The following GNL2 variants were observed in gnomAD, a reference collection of about 807,000 sequenced individuals.
GNL2 encodes nucleolar GTP-binding protein 2.
GNL2 carries 51 observed loss-of-function variants against 92.3 expected under a neutral mutation model. That is an observed-to-expected ratio of 0.55 (90% CI 0.44 to 0.70). The LOEUF (loss-of-function observed/expected upper bound fraction) is 0.70, where lower values mean the gene tolerates loss of function less well. Among genes scored for constraint, GNL2 ranks in the 30% least tolerant of loss-of-function variants. The pLI is 0.00. For synonymous variants in GNL2, 283 were observed against 300.6 expected (o/e 0.94, Z 0.61); for missense variants, 844 against 895.6 (o/e 0.94, Z 0.74).
rs771998184 is a variant in GNL2 at position 37,576,550 on chromosome 1, T to C, written c.916A>G (p.Thr306Ala). The C allele has an allele frequency of 8.7e-6, 14 of 1,613,728 alleles. No individual in the cohort carries two copies. The South Asian group carries it at 9.9e-5, about 11-fold the overall frequency. The change falls in exon 9 of 16, where the codon ACT (threonine) becomes GCT (alanine). Residue 306 changes from threonine to alanine, a missense_variant. Coordinates refer to ENST00000373062, the MANE Select transcript of GNL2 (RefSeq NM_013285.3). The part of the protein sequence containing the change: ...QLLRQFGKLH[T>A]DKKQISVGFI... ...CCAACACTGATCTGTTTCTTGTCAG[T>C]GTGCAACTGTTCAAAGAGAGAATAC...
chr1:37,591,790 AGCCACTGCGCCCT>A (rs1190393186), intron 3 of GNL2, among the ~76,000 whole-genome samples: 1 of 152,188 alleles, frequency 6.6e-6, no homozygotes, highest in Non-Finnish European at 1.5e-5. Context: ...TACAGGCGTG[AGCCACTGCGCCCT>A]GCCTGTATTT....
intron 4 of GNL2, among the ~76,000 whole-genome samples, chr1:37,589,678 G>A (rs981495307): frequency 3.9e-5 from 6 of 152,158 alleles, no homozygotes; most frequent in Non-Finnish European, 1.5e-5. Flanking sequence ...CTTACGTACT[G>A]GCTACATTTC....
intron 12 of GNL2, 64 bp from the exon 13 acceptor site, chr1:37,569,366 C>G: frequency 8.9e-7 from 1 of 1,121,512 alleles, no homozygotes; most frequent in Non-Finnish European, 1.3e-6. Context: ...AATTTCTGAA[C>G]TCATATCTTG....
intron 12 of GNL2, among the ~76,000 whole-genome samples, chr1:37,573,662 C>T (rs1169181387): frequency 6.6e-6 from 1 of 152,174 alleles, no homozygotes; most frequent in Non-Finnish European, 1.5e-5. Context: ...GATTCTGTTT[C>T]GTAAGCATAA....
In GNL2 at chr1:37,592,696, AG is replaced by A; in HGVS notation, c.244+15del. The A allele has an allele frequency of 7.3e-7, 1 of 1,366,016 alleles. No individual in the cohort carries two copies. 84.6% of individuals were successfully genotyped at this position (1,366,016 alleles called of 1,614,324 possible). On this transcript the variant is annotated intron_variant, in intron 3 of 15. Coordinates refer to ENST00000373062, the MANE Select transcript of GNL2 (RefSeq NM_013285.3). ...CATATATTTTGTAGAGCAAAGTAAC[AG>A]GGGATAATACTCACCAAACCATTTA...
Position 37,567,719 on chromosome 1 carries a change from T to C in GNL2, c.1997A>G (p.Glu666Gly). Residue 666 changes from glutamate (E) to glycine (G), a missense_variant, in exon 15 of 16, where the codon GAA becomes GGA. By Grantham distance (98) the Glu-to-Gly change is moderately conservative. Coordinates refer to ENST00000373062, the MANE Select transcript of GNL2 (RefSeq NM_013285.3). ...GGGAGCTTTATTTGAATGTTCCTGTTCCTCTTCCCTTTGTGCCTTCCGCTT... is the reference window on the plus strand; with the variant it reads ...GGGAGCTTTATTTGAATGTTCCTGTCCCTCTTCCCTTTGTGCCTTCCGCTT... The part of the protein sequence containing the change: ...GKKRKAQREE[E>G]QEHSNKAPRA... 6.2e-7 allele frequency: 1 copy of C among 1,614,056 alleles called. No individual in the cohort carries two copies. The highest frequency in any genetic ancestry group is 1.1e-5 in the South Asian group (1 of 91,086).
intron 7 of GNL2, 22 bp downstream of exon 7, chr1:37,582,756 C>A (rs536981296): frequency 6.3e-7 from 1 of 1,588,170 alleles, no homozygotes; most frequent in East Asian, 2.2e-5. Context: ...ATAGTCTATT[C>A]TGGTTTAGTA....
chr1:37,587,277 A>AC (rs1165546103), intron 5 of GNL2, 34 bp downstream of exon 5: 2 of 1,505,934 alleles, frequency 1.3e-6, no homozygotes, highest in East Asian at 4.7e-5. Flanking sequence ...AAAAAAAAAA[A>AC]AACAAAAACA....
intron 5 of GNL2, among the ~76,000 whole-genome samples, chr1:37,584,385 G>T (rs1643819142): frequency 6.6e-6 from 1 of 151,564 alleles, no homozygotes. Context: ...GGAGGTTGAG[G>T]CTGCAGTGAG....
At chr1:37,573,068 A>C (rs1316686776) in intron 12 of GNL2, among the ~76,000 whole-genome samples, 1 of 152,230 alleles carries the variant, frequency 6.6e-6, no homozygotes, top group Non-Finnish European at 1.5e-5. Flanking sequence ...GGCCAACAGG[A>C]GACACTCAAT....
intron 8 of GNL2, among the ~76,000 whole-genome samples, chr1:37,577,192 C>G (rs182482306): frequency 6.6e-6 from 1 of 152,004 alleles, no homozygotes; most frequent in African/African-American, 2.4e-5. Context: ...AAAACATCTT[C>G]GGGAAAAAGA....
At chr1:37,593,048 G>A (rs897630582) in intron 2 of GNL2, among the ~76,000 whole-genome samples, 13 of 152,052 alleles carry the variant, frequency 8.5e-5, no homozygotes, top group Middle Eastern at 3.4e-3. Flanking sequence ...TAATGGTGAC[G>A]TTCTAAAAAA....
chr1:37,586,793 T>C (rs1457314428), intron 5 of GNL2, among the ~76,000 whole-genome samples: 1 of 152,198 alleles, frequency 6.6e-6, no homozygotes, highest in African/African-American at 2.4e-5. Context: ...GGAGAGACCT[T>C]TGTCAATCAA....
At chr1:37,571,704 A>G (rs759063342) in intron 12 of GNL2, among the ~76,000 whole-genome samples, 2 of 152,236 alleles carry the variant, frequency 1.3e-5, no homozygotes, top group Non-Finnish European at 2.9e-5. Context: ...GTGTCTCAGC[A>G]TATTGACTTG....
chr1:37,588,608 C>G (rs1428713988), intron 4 of GNL2, among the ~76,000 whole-genome samples: 1 of 152,084 alleles, frequency 6.6e-6, no homozygotes, highest in Non-Finnish European at 1.5e-5. Flanking sequence ...TTACAGTACC[C>G]AAGGCTTTAT....
In GNL2 at chr1:37,582,081, G is replaced by A. The variant is rs1262789002; in HGVS notation, c.909+142C>T. The stretch of plus-strand genomic sequence containing the variant: ...GCTCCAGCAATCCTCCTGCCTCAGC[G>A]TCCTGAGTAGCTAGGACTACAGACC... On this transcript the variant is annotated intron_variant, in intron 8 of 15. Coordinates refer to ENST00000373062, the MANE Select transcript of GNL2 (RefSeq NM_013285.3). 1.8e-5 allele frequency: 10 copies of A among 559,824 alleles called. No homozygotes were observed. The East Asian group carries it at 2.5e-4, about 14-fold the overall frequency. The allele number at this position is 559,824 out of a possible 1,614,324, so 34.7% of individuals were successfully genotyped here. A position where few individuals can be genotyped will look rare whatever the true frequency, so the allele number is the denominator to read the frequency against.
In GNL2 at chr1:37,568,939, T is replaced by C. The variant is rs1557636385; in HGVS notation, c.1780A>G (p.Lys594Glu). 1 of 1,614,182 alleles carries C rather than the reference T, an allele frequency of 6.2e-7. No homozygotes were observed. Among genetic ancestry groups the C allele is most frequent in the East Asian group, 2.2e-5 (1 of 44,884 alleles). Residue 594 changes from lysine to glutamate, a missense_variant, in exon 13 of 16, where the codon AAA becomes GAA. Transcript: ENST00000373062. ...TCATCCAGTGCTTTAATAACGGCTT[T>C]GGTGTCGTTTCCCACATTTTCCTCC... ...PEEENVGNDT[K>E]AVIKALDEKI...
chr1:37,595,669 C>A lies in GNL2; in HGVS notation c.64+90G>T, dbSNP rs1643918326. 8.2e-6 allele frequency: 9 copies of A among 1,101,796 alleles called. No individual in the cohort carries two copies. The South Asian group carries it at 1.1e-4, about 14-fold the overall frequency. 68.3% of individuals were successfully genotyped at this position (1,101,796 alleles called of 1,614,324 possible). A position where few individuals can be genotyped will look rare whatever the true frequency, so the allele number is the denominator to read the frequency against. On this transcript the variant is annotated intron_variant, in intron 1 of 15. Coordinates refer to ENST00000373062, the MANE Select transcript of GNL2 (RefSeq NM_013285.3). ...CGTAGTCATTCTAAGCAATGCCACTCGAGTAACCCTCCTTCCCCTCCAGTG... is the reference window on the plus strand; with the variant it reads ...CGTAGTCATTCTAAGCAATGCCACTAGAGTAACCCTCCTTCCCCTCCAGTG...
At position 37,575,772 on chromosome 1, in the gene GNL2, C is replaced by A; in HGVS notation, c.1039-73G>T. On this transcript the variant is annotated intron_variant, in intron 9 of 15. Transcript: ENST00000373062. The surrounding 1 kb of genome is among the most constrained non-coding windows in gnomAD (Gnocchi z 4.1). ...TCTAATTTCACAAACCCCTGATGCT[C>A]ATGTATGAAGCTGGAAAGGAGGAAG... The A allele has an allele frequency of 1.1e-6, 1 of 911,986 alleles. No individual in the cohort carries two copies. Among genetic ancestry groups the A allele is most frequent in the South Asian group, 1.6e-5 (1 of 62,784 alleles). The allele number at this position is 911,986 out of a possible 1,614,324, so 56.5% of individuals were successfully genotyped here.
Sources: gnomAD v4.1 joint callset for allele counts (sites outside exome capture counted in the v4.1 genomes callset) on GRCh38, gnomAD v4.1.1 for gene constraint, Gnocchi (gnomAD v3.1) non-coding constraint, MANE v1.5 for transcripts, NCBI Gene and HGNC (gene_info 2026-07-23, HGNC 2026-07-21) for gene names.